Variants in PDZRN4 observed in about 807,000 individuals in gnomAD.
The protein encoded by PDZRN4 is PDZ domain containing ring finger 4, also known as PDZ domain-containing RING finger protein 4.
In PDZRN4, 70 loss-of-function variants were observed where a neutral mutation model predicts 99.0. The ratio of observed to expected loss-of-function variants is 0.71; its 90% CI spans 0.58 to 0.86. The LOEUF (loss-of-function observed/expected upper bound fraction) is 0.86. Among genes scored for constraint, PDZRN4 ranks in the 40% least tolerant of loss-of-function variants. The probability of loss-of-function intolerance (pLI) is 0.00; values close to 1 mark genes in which losing one functional copy is unlikely to be tolerated. For synonymous variants in PDZRN4, 551 were observed against 501.6 expected (o/e 1.10, Z -1.32); for missense variants, 1,474 against 1,331.2 (o/e 1.11, Z -1.67).
intron 3 of PDZRN4, among the ~76,000 whole-genome samples, chr12:41,397,901 T>C (rs1225466955): frequency 6.6e-6 from 1 of 152,058 alleles, no homozygotes; most frequent in African/African-American, 2.4e-5. Flanking sequence ...ATACACAGAA[T>C]TGCCACTTAT....
At chr12:41,284,038 G>A (rs181661692) in intron 3 of PDZRN4, among the ~76,000 whole-genome samples, 1 of 152,248 alleles carries the variant, frequency 6.6e-6, no homozygotes, top group African/African-American at 2.4e-5. Flanking sequence ...AGAAATAAAG[G>A]TCTTCAAATA....
At position 41,572,063 on chromosome 12, in the gene PDZRN4, CGA is replaced by C. The variant is rs375607002; in HGVS notation, c.1585-299_1585-298del. Among the ~76,000 whole-genome samples the C allele has an allele frequency of 4.6e-5, 7 of 152,274 alleles. No individual in the cohort carries two copies. The East Asian group carries it at 1.4e-3, about 29-fold the overall frequency. ...CACTTTGTTTATACACCTTCAACCC[CGA>C]GTTTCCCAAGTAAGAGAAAACCTAA... is the stretch of plus-strand genomic sequence containing the variant. On this transcript the variant is annotated intron_variant, in intron 9 of 9. Coordinates refer to ENST00000402685, the MANE Select transcript of PDZRN4 (RefSeq NM_001164595.2).
At chr12:41,552,271 G>A (rs1458710039) in intron 5 of PDZRN4, among the ~76,000 whole-genome samples, 2 of 152,022 alleles carry the variant, frequency 1.3e-5, no homozygotes, top group Non-Finnish European at 2.9e-5. Context: ...ACATGTAATA[G>A]TAACTCCTCA....
chr12:41,384,637 C>G (rs551726140), intron 3 of PDZRN4, among the ~76,000 whole-genome samples: 1 of 152,098 alleles, frequency 6.6e-6, no homozygotes, highest in Non-Finnish European at 1.5e-5. Context: ...TGTTGACTCT[C>G]TCTTATTTCT....
chr12:41,510,337 C>G (rs1367246406), intron 5 of PDZRN4, among the ~76,000 whole-genome samples: 1 of 152,092 alleles, frequency 6.6e-6, no homozygotes, highest in Admixed American at 6.6e-5. Flanking sequence ...GCAATACTCT[C>G]TTTGTGCCTC....
chr12:41,430,471 A>G (rs1952578640), intron 3 of PDZRN4, among the ~76,000 whole-genome samples: 1 of 151,994 alleles, frequency 6.6e-6, no homozygotes. Context: ...CCATCTAAAA[A>G]AAAAAAAAAG....
At chr12:41,193,011 G>A (rs191639416) in intron 2 of PDZRN4, among the ~76,000 whole-genome samples, 3 of 152,292 alleles carry the variant, frequency 2.0e-5, no homozygotes, top group Non-Finnish European at 4.4e-5. Flanking sequence ...TGCAGATGTT[G>A]TACAAGGAAA....
At chr12:41,517,846 A>G (rs567740115) in intron 5 of PDZRN4, among the ~76,000 whole-genome samples, 184 of 152,150 alleles carry the variant, frequency 1.2e-3, no homozygotes, top group African/African-American at 4.2e-3. Flanking sequence ...ACACTGGTCT[A>G]TGTGTAGTAA....
At chr12:41,306,569 A>T (rs2120940646) in intron 3 of PDZRN4, among the ~76,000 whole-genome samples, 2 of 152,308 alleles carry the variant, frequency 1.3e-5, no homozygotes, top group Admixed American at 1.3e-4. Flanking sequence ...TCCAACGGTC[A>T]GTCAGTCACA....
At chr12:41,562,548 T>C (rs1174385248) in intron 7 of PDZRN4, among the ~76,000 whole-genome samples, 6 of 152,160 alleles carry the variant, frequency 3.9e-5, no homozygotes, top group Non-Finnish European at 5.9e-5. Flanking sequence ...TTCTTTCCCA[T>C]TATTTGATTA....
chr12:41,560,404 A>C (rs1291944816), intron 7 of PDZRN4, among the ~76,000 whole-genome samples: 2 of 152,180 alleles, frequency 1.3e-5, no homozygotes, highest in African/African-American at 4.8e-5. Flanking sequence ...GATTGGGCCT[A>C]AAGTGAGATT....
chr12:41,190,301 G>T (rs773148150), intron 1 of PDZRN4, among the ~76,000 whole-genome samples: 40 of 152,228 alleles, frequency 2.6e-4, no homozygotes, highest in South Asian at 6.2e-4. Flanking sequence ...TAAACGACCG[G>T]TTTCAAGGAG....
intron 3 of PDZRN4, among the ~76,000 whole-genome samples, chr12:41,495,002 T>C (rs1937968360): frequency 6.6e-6 from 1 of 152,164 alleles, no homozygotes; most frequent in Non-Finnish European, 1.5e-5. Context: ...TTCTACTTTC[T>C]TATGTTAATG....
chr12:41,550,634 C>T (rs931801183), intron 5 of PDZRN4, among the ~76,000 whole-genome samples: 8 of 152,124 alleles, frequency 5.3e-5, no homozygotes, highest in Admixed American at 2.0e-4. Context: ...TACACTATAA[C>T]CTTCTTAAGC....
intron 3 of PDZRN4, among the ~76,000 whole-genome samples, chr12:41,430,286 GGTGAAATCCCT>G (rs1236185895): frequency 6.6e-6 from 1 of 152,062 alleles, no homozygotes; most frequent in Non-Finnish European, 1.5e-5. Context: ...TGGCCAACAT[GGTGAAATCCCT>G]GTCTCTACTA....
At chr12:41,474,860 C>T (rs771865781) in intron 3 of PDZRN4, among the ~76,000 whole-genome samples, 12 of 152,130 alleles carry the variant, frequency 7.9e-5, no homozygotes, top group Non-Finnish European at 1.2e-4. Flanking sequence ...AAATATTTGA[C>T]TCTGAGGATG....
intron 3 of PDZRN4, among the ~76,000 whole-genome samples, chr12:41,382,535 C>T (rs1421732180): frequency 6.6e-6 from 1 of 152,166 alleles, no homozygotes; most frequent in African/African-American, 2.4e-5. Flanking sequence ...TTAGGAATTA[C>T]CTTGCAAAGT....
chr12:41,391,876 G>A (rs780016185), intron 3 of PDZRN4, among the ~76,000 whole-genome samples: 12 of 152,130 alleles, frequency 7.9e-5, no homozygotes, highest in Admixed American at 2.0e-4. Context: ...AAATCAACAA[G>A]TGATGAAGAC....
intron 9 of PDZRN4, among the ~76,000 whole-genome samples, chr12:41,568,921 C>T (rs1376472082): frequency 6.6e-6 from 1 of 151,278 alleles, no homozygotes; most frequent in East Asian, 1.9e-4. Context: ...TCTCCTGCCT[C>T]AGCCTCCTGA....
Sources: allele counts gnomAD v4.1 joint callset (sites outside exome capture counted in the v4.1 genomes callset), GRCh38; gene constraint gnomAD v4.1.1; transcripts MANE v1.5; gene names NCBI Gene and HGNC (gene_info 2026-07-23, HGNC 2026-07-21).